The following SCIN variants were observed in gnomAD, a reference collection of about 807,000 sequenced individuals.
The protein encoded by SCIN is scinderin.
Under a neutral mutation model 91.8 loss-of-function variants are expected in SCIN, and 91 were observed. The observed-to-expected ratio is 0.99, with a 90% CI of 0.84 to 1.18. SCIN has a LOEUF of 1.18. Among genes scored for constraint, SCIN ranks in the 50% most tolerant of loss-of-function variants. SCIN has a pLI of 0.00. For missense variants in SCIN, 1,087 were observed against 863.9 expected (o/e 1.26, Z -3.24); for synonymous variants, 367 against 312.6 (o/e 1.17, Z -1.84).
intron 10 of SCIN, among the ~76,000 whole-genome samples, chr7:12,639,995 AT>A (rs1783825192): frequency 6.6e-6 from 1 of 152,136 alleles, no homozygotes; most frequent in Non-Finnish European, 1.5e-5. Context: ...AAGAAGAGTG[AT>A]TTTCACATAA....
At chr7:12,604,949 C>G (rs1035228349) in intron 4 of SCIN, among the ~76,000 whole-genome samples, 1 of 152,162 alleles carries the variant, frequency 6.6e-6, no homozygotes, top group Non-Finnish European at 1.5e-5. Flanking sequence ...AAATGAGTGA[C>G]ACTTCTGAAA....
intron 3 of SCIN, among the ~76,000 whole-genome samples, chr7:12,597,077 T>C (rs562337531): frequency 5.3e-4 from 81 of 152,188 alleles, no homozygotes; most frequent in Non-Finnish European, 1.0e-3. Flanking sequence ...TATCTTTCAA[T>C]ACATACGTAA....
At chr7:12,636,214 G>T in intron 10 of SCIN, 79 bp downstream of exon 10, 1 of 975,712 alleles carries the variant, frequency 1.0e-6, no homozygotes, top group Non-Finnish European at 1.6e-6. Flanking sequence ...TCCCTCCCAA[G>T]TTGGGATAGA....
At chr7:12,612,184 G>T (rs749740613) in intron 4 of SCIN, among the ~76,000 whole-genome samples, 8 of 152,072 alleles carry the variant, frequency 5.3e-5, no homozygotes, top group Non-Finnish European at 1.2e-4. Context: ...TTGGGAAATT[G>T]AACAATGTCT....
At chr7:12,647,161 TTC>T (rs1221592508) in intron 13 of SCIN, among the ~76,000 whole-genome samples, 1 of 152,236 alleles carries the variant, frequency 6.6e-6, no homozygotes, top group Non-Finnish European at 1.5e-5. Context: ...CTAGGCTTTG[TTC>T]TCAGTGTGTT....
At chr7:12,617,962 T>A (rs549450052) in intron 4 of SCIN, among the ~76,000 whole-genome samples, 10 of 152,244 alleles carry the variant, frequency 6.6e-5, no homozygotes, top group African/African-American at 2.4e-4. Context: ...TTATAGTAAC[T>A]TGTAAGGTAA....
At chr7:12,604,237 T>G (rs1783024546) in intron 3 of SCIN, among the ~76,000 whole-genome samples, 1 of 152,146 alleles carries the variant, frequency 6.6e-6, no homozygotes, top group South Asian at 2.1e-4. Context: ...ATTTCAAATT[T>G]AATCCATATG....
At chr7:12,575,761 G>A (rs182657743) in intron 1 of SCIN, among the ~76,000 whole-genome samples, 53 of 151,796 alleles carry the variant, frequency 3.5e-4, no homozygotes, top group Admixed American at 6.6e-4. Flanking sequence ...AAGCAGATTC[G>A]TAGGGGAAAA....
intron 9 of SCIN, 26 bp from the exon 10 acceptor site, chr7:12,636,019 A>G (rs1783743667): frequency 6.4e-7 from 1 of 1,569,034 alleles, no homozygotes; most frequent in Non-Finnish European, 8.7e-7. Context: ...AAGGCAAGCT[A>G]ATTCGTTTCA....
intron 3 of SCIN, among the ~76,000 whole-genome samples, chr7:12,584,351 T>C (rs1379600762): frequency 6.6e-6 from 1 of 152,214 alleles, no homozygotes; most frequent in Non-Finnish European, 1.5e-5. Context: ...CATCCAGTTA[T>C]CACCCAGCTA....
In SCIN at chr7:12,579,774, C is replaced by T. The variant is rs987457820; in HGVS notation, c.355-1286C>T. Among the ~76,000 whole-genome samples, 4 of 152,008 alleles carry T rather than the reference C, an allele frequency of 2.6e-5. No homozygotes were observed. The South Asian group carries it at 6.2e-4, about 24-fold the overall frequency. ...ACTAAAAATACAAAATTTAACTGGGCGTGGTGACATGCGCCTGTAACCCTA... is the reference window on the plus strand; with the variant it reads ...ACTAAAAATACAAAATTTAACTGGGTGTGGTGACATGCGCCTGTAACCCTA... On this transcript the variant is annotated intron_variant, in intron 2 of 15. Transcript: ENST00000297029.
rs1002410189 is a variant in SCIN, at chr7:12,653,530, T to C, written c.*815T>C. ...TTTAGTCAATATGACTTTGATGTCA[T>C]TAACTGCTAAGTGTTATTTTCTAAG... On this transcript the variant is annotated 3_prime_UTR_variant, in exon 16 of 16. Transcript: ENST00000297029. This position sits in a 1 kb window ranked among gnomAD's most constrained non-coding sequence, Gnocchi z 4.1. The C allele has an allele frequency of 1.3e-5, 2 of 152,258 alleles. No individual in the cohort carries two copies. Among genetic ancestry groups the C allele is most frequent in the African/African-American group, 4.8e-5 (2 of 41,468 alleles). The allele number at this position is 152,258 out of a possible 1,614,324, so 9.4% of individuals were successfully genotyped here.
chr7:12,625,645 C>T (rs2115274189), intron 6 of SCIN, 117 bp from the exon 7 acceptor site: 1 of 790,272 alleles, frequency 1.3e-6, no homozygotes, highest in East Asian at 2.8e-5. Flanking sequence ...GCTATTCTTT[C>T]ACTGCTGTAT....
chr7:12,594,400 G>T (rs1177434894), intron 3 of SCIN, among the ~76,000 whole-genome samples: 1 of 152,114 alleles, frequency 6.6e-6, no homozygotes, highest in Non-Finnish European at 1.5e-5. Context: ...AGAGAGAAGG[G>T]TGGTTACGGA....
chr7:12,598,049 G>T (rs545446566), intron 3 of SCIN, among the ~76,000 whole-genome samples: 13 of 152,258 alleles, frequency 8.5e-5, no homozygotes, highest in Admixed American at 8.5e-4. Context: ...TGGTGAAATA[G>T]TTGCCCCTGA....
intron 4 of SCIN, among the ~76,000 whole-genome samples, chr7:12,616,510 C>G (rs768200468): frequency 3.9e-5 from 6 of 152,074 alleles, no homozygotes; most frequent in Non-Finnish European, 8.8e-5. Context: ...AATTTATTTT[C>G]TTTATAGATT....
chr7:12,623,717 G>C (rs760679664), intron 5 of SCIN, among the ~76,000 whole-genome samples: 4 of 152,036 alleles, frequency 2.6e-5, no homozygotes, highest in Admixed American at 6.6e-5. Flanking sequence ...AACTATATTT[G>C]CTGCTCTTTA....
rs1283702887 is a variant in SCIN at position 12,653,922 on chromosome 7, CTATTA to C, written c.*1209_*1213del. The C allele has an allele frequency of 2.0e-5, 3 of 152,050 alleles. No individual in the cohort carries two copies. Among genetic ancestry groups the C allele is most frequent in the Non-Finnish European group, 4.4e-5 (3 of 67,986 alleles). The allele number at this position is 152,050 out of a possible 1,614,324, so 9.4% of individuals were successfully genotyped here. A position where few individuals can be genotyped will look rare whatever the true frequency, so the allele number is the denominator to read the frequency against. Reference sequence around the variant, plus strand: ...CTATTCCATTCCATTCTATTCTATTCTATTATTTCATTCTATTTTATTTCCAATAT... The same window carrying C: ...CTATTCCATTCCATTCTATTCTATTCTTTCATTCTATTTTATTTCCAATAT... On this transcript the variant is annotated 3_prime_UTR_variant, in exon 16 of 16. Coordinates refer to ENST00000297029, the MANE Select transcript of SCIN (RefSeq NM_001112706.3). The surrounding 1 kb of genome is among the most constrained non-coding windows in gnomAD (Gnocchi z 4.1).
At chr7:12,610,337 T>G (rs73294943) in intron 4 of SCIN, among the ~76,000 whole-genome samples, 2,906 of 152,350 alleles carry the variant, frequency 0.019, 78 homozygotes, top group African/African-American at 0.065. Context: ...AGATAGTTCT[T>G]AAGTTATCTT....
Sources: gnomAD v4.1 joint callset for allele counts (sites outside exome capture counted in the v4.1 genomes callset) on GRCh38, gnomAD v4.1.1 for gene constraint, Gnocchi (gnomAD v3.1) non-coding constraint, MANE v1.5 for transcripts, NCBI Gene and HGNC (gene_info 2026-07-23, HGNC 2026-07-21) for gene names.